The following NKAIN3 variants were observed in gnomAD, a reference collection of about 807,000 sequenced individuals.
The protein encoded by NKAIN3 is sodium/potassium transporting ATPase interacting 3, also known as sodium/potassium-transporting ATPase subunit beta-1-interacting protein 3.
NKAIN3 carries 25 observed loss-of-function variants against 30.2 expected under a neutral mutation model. That is an observed-to-expected ratio of 0.83 (90% CI 0.60 to 1.16). The LOEUF (loss-of-function observed/expected upper bound fraction) is 1.16. Ranked by LOEUF, NKAIN3 falls within the 50% of genes most tolerant of loss-of-function variation. The pLI is 0.00. For missense variants in NKAIN3, 225 were observed against 254.1 expected (o/e 0.89, Z 0.78); for synonymous variants, 91 against 89.6 (o/e 1.02, Z -0.09).
At chr8:62,677,206 G>T (rs1452416382) in intron 3 of NKAIN3, among the ~76,000 whole-genome samples, 1 of 152,162 alleles carries the variant, frequency 6.6e-6, no homozygotes, top group Admixed American at 6.5e-5. Context: ...GGGACGCAGG[G>T]TTAGCAGAGA....
intron 1 of NKAIN3, among the ~76,000 whole-genome samples, chr8:62,474,590 GA>G (rs1335673117): frequency 1.3e-5 from 2 of 152,148 alleles, no homozygotes; most frequent in African/African-American, 2.4e-5. Flanking sequence ...ATGACAGCAT[GA>G]AGATAGAACA....
intron 4 of NKAIN3, among the ~76,000 whole-genome samples, chr8:62,777,756 A>G (rs1441759504): frequency 6.6e-6 from 1 of 152,048 alleles, no homozygotes; most frequent in Non-Finnish European, 1.5e-5. Flanking sequence ...ATACTTGTGG[A>G]CGTTCATCAG....
chr8:62,501,049 A>T (rs999703029), intron 1 of NKAIN3, among the ~76,000 whole-genome samples: 1 of 152,174 alleles, frequency 6.6e-6, no homozygotes, highest in African/African-American at 2.4e-5. Context: ...ACATATTCTT[A>T]TACATGTTCC....
chr8:62,824,553 A>G (rs1413403677), intron 4 of NKAIN3, among the ~76,000 whole-genome samples: 1 of 151,876 alleles, frequency 6.6e-6, no homozygotes, highest in Non-Finnish European at 1.5e-5. Flanking sequence ...AGTGCTCTAA[A>G]AATGATAGAC....
At chr8:62,694,261 A>G (rs1184033064) in intron 3 of NKAIN3, among the ~76,000 whole-genome samples, 1 of 152,102 alleles carries the variant, frequency 6.6e-6, no homozygotes, top group Non-Finnish European at 1.5e-5. Context: ...GCCTCTGGTA[A>G]TTGCAGCACT....
At chr8:62,937,934 T>C (rs1342465710) in intron 5 of NKAIN3, among the ~76,000 whole-genome samples, 1 of 151,976 alleles carries the variant, frequency 6.6e-6, no homozygotes, top group African/African-American at 2.4e-5. Context: ...GCCGGCTTTC[T>C]CCCACTACCC....
At chr8:62,883,332 T>C (rs572101717) in intron 4 of NKAIN3, among the ~76,000 whole-genome samples, 17 of 151,976 alleles carry the variant, frequency 1.1e-4, no homozygotes, top group African/African-American at 3.6e-4. Context: ...GTAAATGGTA[T>C]TGTGTTTTTA....
intron 6 of NKAIN3, among the ~76,000 whole-genome samples, chr8:62,961,984 A>G (rs1307653223): frequency 6.6e-6 from 1 of 152,186 alleles, no homozygotes; most frequent in Non-Finnish European, 1.5e-5. Flanking sequence ...AGTCATGGGG[A>G]GTTTACCCAA....
At chr8:62,916,493 T>C (rs1822108873) in intron 4 of NKAIN3, among the ~76,000 whole-genome samples, 1 of 152,144 alleles carries the variant, frequency 6.6e-6, no homozygotes, top group South Asian at 2.1e-4. Context: ...TAGAATACAG[T>C]TGAAAGGCAA....
In NKAIN3 at chr8:62,902,836, T is replaced by C. The variant is rs138098616; in HGVS notation, c.472-15617T>C. ...CTTAGAAAAGTCCTACATGAAATGATCTACTTAAATAGGCCCCTTTACAAA... is the reference window on the plus strand; with the variant it reads ...CTTAGAAAAGTCCTACATGAAATGACCTACTTAAATAGGCCCCTTTACAAA... On this transcript the variant is annotated intron_variant, in intron 4 of 6. Transcript: ENST00000623646. Among the ~76,000 whole-genome samples the C allele has an allele frequency of 5.2e-4, 79 of 152,338 alleles. No individual in the cohort carries two copies. In the Middle Eastern group the frequency reaches 0.01, roughly 20 times the overall value.
chr8:62,624,768 G>T (rs1366892866), intron 3 of NKAIN3, among the ~76,000 whole-genome samples: 1 of 148,406 alleles, frequency 6.7e-6, no homozygotes, highest in East Asian at 2.0e-4. Flanking sequence ...TTGTCCCATG[G>T]TTCTTGAACA....
chr8:62,924,397 A>G (rs1193278068), intron 5 of NKAIN3, among the ~76,000 whole-genome samples: 2 of 152,210 alleles, frequency 1.3e-5, no homozygotes, highest in Admixed American at 6.5e-5. Flanking sequence ...CATATTATTC[A>G]CCAAGGCTGA....
intron 1 of NKAIN3, among the ~76,000 whole-genome samples, chr8:62,329,471 T>A (rs1224270989): frequency 6.6e-6 from 1 of 151,728 alleles, no homozygotes; most frequent in Non-Finnish European, 1.5e-5. Flanking sequence ...CCAACAGGAG[T>A]TTCTTCAGCT....
intron 4 of NKAIN3, among the ~76,000 whole-genome samples, chr8:62,858,247 G>T (rs535145583): frequency 6.6e-6 from 1 of 151,674 alleles, no homozygotes; most frequent in South Asian, 2.1e-4. Context: ...CCATCCCGGG[G>T]GGTACGGACC....
chr8:62,847,306 C>T (rs761367721), intron 4 of NKAIN3, among the ~76,000 whole-genome samples: 5 of 152,208 alleles, frequency 3.3e-5, no homozygotes, highest in South Asian at 2.1e-4. Context: ...TCCCACTAAC[C>T]GTGTAAAAGT....
chr8:62,249,558 G>A (rs1394360319), intron 1 of NKAIN3, among the ~76,000 whole-genome samples: 1 of 152,230 alleles, frequency 6.6e-6, no homozygotes, highest in Non-Finnish European at 1.5e-5. Context: ...TACACTGTGT[G>A]GGAATGCCCA....
chr8:62,496,015 A>G (rs1807226118), intron 1 of NKAIN3, among the ~76,000 whole-genome samples: 1 of 152,126 alleles, frequency 6.6e-6, no homozygotes, highest in Admixed American at 6.6e-5. Flanking sequence ...ACTACAGTAA[A>G]TGTGCACTGA....
chr8:62,788,180 C>A lies in NKAIN3; in HGVS notation c.471+41051C>A, dbSNP rs565450438. Among the ~76,000 whole-genome samples, 138 of 152,256 alleles carry A rather than the reference C, an allele frequency of 9.1e-4. 1 individual carries two copies. The highest frequency in any genetic ancestry group is 3.4e-3 in the Middle Eastern group (1 of 294). ...CAGTGTAAAAGTGTTCCTATTTCTC[C>A]ACATCGTCTCCAGCACCTGTTGTTT... On this transcript the variant is annotated intron_variant, in intron 4 of 6. Coordinates refer to ENST00000623646, the MANE Select transcript of NKAIN3 (RefSeq NM_001304533.3).
intron 4 of NKAIN3, among the ~76,000 whole-genome samples, chr8:62,832,283 A>T (rs1586247029): frequency 1.3e-5 from 2 of 151,676 alleles, no homozygotes; most frequent in East Asian, 3.9e-4. Context: ...ACACACACAC[A>T]CACACACACA....
Sources: allele counts gnomAD v4.1 joint callset (sites outside exome capture counted in the v4.1 genomes callset), GRCh38; gene constraint gnomAD v4.1.1; transcripts MANE v1.5; gene names NCBI Gene and HGNC (gene_info 2026-07-23, HGNC 2026-07-21).